The following ADAMTS19 variants were observed in gnomAD, a reference collection of about 807,000 sequenced individuals.
ADAMTS19 encodes A disintegrin and metalloproteinase with thrombospondin motifs 19.
Under a neutral mutation model 153.3 loss-of-function variants are expected in ADAMTS19, and 93 were observed. The ratio of observed to expected loss-of-function variants is 0.61; its 90% CI spans 0.51 to 0.72. ADAMTS19 has a LOEUF of 0.72. ADAMTS19 is among the 30% of genes least tolerant of loss of function. The pLI is 0.00. For missense variants in ADAMTS19, 1,482 were observed against 1,552.1 expected (o/e 0.95, Z 0.76); for synonymous variants, 600 against 556.6 (o/e 1.08, Z -1.10).
chr5:129,648,199 G>C (rs1341271077), intron 12 of ADAMTS19, among the ~76,000 whole-genome samples: 1 of 152,130 alleles, frequency 6.6e-6, no homozygotes, highest in African/African-American at 2.4e-5. Flanking sequence ...ACAGGAACTG[G>C]GAGAAGAGCA....
intron 18 of ADAMTS19, among the ~76,000 whole-genome samples, chr5:129,690,376 A>G (rs1755279577): frequency 6.6e-6 from 1 of 152,218 alleles, no homozygotes; most frequent in African/African-American, 2.4e-5. Flanking sequence ...GAAAAGTAGG[A>G]TGAAAGCCAA....
chr5:129,631,784 T>G (rs1472130636), intron 10 of ADAMTS19, among the ~76,000 whole-genome samples: 4 of 152,048 alleles, frequency 2.6e-5, no homozygotes, highest in African/African-American at 4.8e-5. Context: ...TGTCTTGATA[T>G]TCATCTGTTA....
At chr5:129,467,123 G>T (rs965040634) in intron 2 of ADAMTS19, among the ~76,000 whole-genome samples, 3 of 152,124 alleles carry the variant, frequency 2.0e-5, no homozygotes, top group Non-Finnish European at 2.9e-5. Context: ...ACCTACCTGT[G>T]TTCAGACAAA....
intron 7 of ADAMTS19, among the ~76,000 whole-genome samples, chr5:129,581,329 G>A: frequency 6.6e-6 from 1 of 151,716 alleles, no homozygotes; most frequent in African/African-American, 2.4e-5. Context: ...TTTAGTCTTG[G>A]GAGGGTGTAT....
Position 129,461,113 on chromosome 5 carries a change from G to GC in ADAMTS19, c.108dup (p.Asp37ArgfsTer82). On this transcript the variant is annotated frameshift_variant, in exon 2 of 23. Coordinates refer to ENST00000274487, the MANE Select transcript of ADAMTS19 (RefSeq NM_133638.6). LOFTEE classifies it high-confidence loss of function. The surrounding 1 kb of genome is among the most constrained non-coding windows in gnomAD (Gnocchi z 4.6). ...TGCCCCGCCCGCAGAGCTGCAGTTC[G>GC]CCCCCGACCGCGAGGAGTGGGAAGT... 1.4e-6 allele frequency: 2 copies of GC among 1,416,260 alleles called. No individual in the cohort carries two copies. The highest frequency in any genetic ancestry group is 1.8e-6 in the Non-Finnish European group (2 of 1,083,904). 87.7% of individuals were successfully genotyped at this position (1,416,260 alleles called of 1,614,324 possible).
intron 7 of ADAMTS19, among the ~76,000 whole-genome samples, chr5:129,573,000 T>C (rs748116713): frequency 4.6e-5 from 7 of 152,196 alleles, no homozygotes; most frequent in Non-Finnish European, 7.4e-5. Context: ...CAACTGTGTA[T>C]TCCACAAAAG....
chr5:129,581,982 A>G (rs1056333823), intron 7 of ADAMTS19, among the ~76,000 whole-genome samples: 1 of 151,478 alleles, frequency 6.6e-6, no homozygotes, highest in Admixed American at 6.6e-5. Context: ...TTTGATTTCC[A>G]TTCTTTTGCA....
intron 2 of ADAMTS19, among the ~76,000 whole-genome samples, chr5:129,486,196 T>A (rs953724165): frequency 6.6e-6 from 1 of 152,150 alleles, no homozygotes; most frequent in Non-Finnish European, 1.5e-5. Context: ...TACTAGAAAT[T>A]CTTTAAGAAA....
chr5:129,474,558 A>G (rs1162665848), intron 2 of ADAMTS19, among the ~76,000 whole-genome samples: 1 of 152,152 alleles, frequency 6.6e-6, no homozygotes, highest in African/African-American at 2.4e-5. Context: ...ATCCTCAACA[A>G]TACTTGTTTA....
chr5:129,524,211 A>G (rs1475620030), intron 3 of ADAMTS19, among the ~76,000 whole-genome samples: 1 of 152,190 alleles, frequency 6.6e-6, no homozygotes, highest in African/African-American at 2.4e-5. Flanking sequence ...CAGTGGTGAA[A>G]GTATTCCCTA....
chr5:129,678,288 C>T (rs1305020633), intron 16 of ADAMTS19, among the ~76,000 whole-genome samples: 1 of 152,110 alleles, frequency 6.6e-6, no homozygotes, highest in Middle Eastern at 3.2e-3. Context: ...GTATGGCTCC[C>T]TTAGTCTAGA....
At chr5:129,712,162 A>G (rs935554248) in intron 21 of ADAMTS19, among the ~76,000 whole-genome samples, 1 of 152,188 alleles carries the variant, frequency 6.6e-6, no homozygotes, top group African/African-American at 2.4e-5. Flanking sequence ...ATTGCTTACA[A>G]TTTTTGTAAT....
rs777982124 is a variant in ADAMTS19, at chr5:129,665,593, C to G, written c.2506+14C>G. The G allele has an allele frequency of 1.9e-6, 3 of 1,594,250 alleles. No homozygotes were observed. The highest frequency in any genetic ancestry group is 2.6e-6 in the Non-Finnish European group (3 of 1,164,856). On this transcript the variant is annotated intron_variant, in intron 16 of 22. Transcript: ENST00000274487. ...ATAGCTATTTAGGTAACCTGTGTTA[C>G]AGACACAGAGAAGATCCAAGTACGA...
chr5:129,677,257 C>A (rs989746600), intron 16 of ADAMTS19, among the ~76,000 whole-genome samples: 1 of 152,166 alleles, frequency 6.6e-6, no homozygotes, highest in Non-Finnish European at 1.5e-5. Context: ...GGGGAGATCA[C>A]CTGAGGTCAG....
At chr5:129,697,075 A>T (rs191979381) in intron 19 of ADAMTS19, among the ~76,000 whole-genome samples, 207 of 152,258 alleles carry the variant, frequency 1.4e-3, no homozygotes, top group African/African-American at 4.8e-3. Context: ...TTATGGGGTA[A>T]AATAGTTTGG....
chr5:129,501,569 C>G (rs1248488606), intron 2 of ADAMTS19, among the ~76,000 whole-genome samples: 3 of 151,930 alleles, frequency 2.0e-5, no homozygotes, highest in Non-Finnish European at 2.9e-5. Context: ...ATATGGCAGG[C>G]CTACCCTTTT....
intron 21 of ADAMTS19, among the ~76,000 whole-genome samples, chr5:129,713,404 C>T (rs1387656978): frequency 1.3e-5 from 2 of 152,044 alleles, no homozygotes; most frequent in Non-Finnish European, 2.9e-5. Context: ...GTTTAAGACA[C>T]AAGAAAAGTA....
chr5:129,643,658 T>C (rs1752928632), intron 11 of ADAMTS19, among the ~76,000 whole-genome samples: 2 of 152,194 alleles, frequency 1.3e-5, no homozygotes, highest in East Asian at 1.9e-4. Context: ...TTTATCACTA[T>C]ATATTATCAA....
intron 10 of ADAMTS19, among the ~76,000 whole-genome samples, chr5:129,625,003 A>T (rs931344185): frequency 1.5e-5 from 2 of 137,182 alleles, no homozygotes; most frequent in African/African-American, 2.7e-5. Context: ...ACCCCACAAC[A>T]GGCCCTGGTG....
Sources: gnomAD v4.1 joint callset for allele counts (sites outside exome capture counted in the v4.1 genomes callset) on GRCh38, gnomAD v4.1.1 for gene constraint, Gnocchi (gnomAD v3.1) non-coding constraint, MANE v1.5 for transcripts, NCBI Gene and HGNC (gene_info 2026-07-23, HGNC 2026-07-21) for gene names.